The following SEMA5A variants were observed in gnomAD, a reference collection of about 807,000 sequenced individuals.
The protein encoded by SEMA5A is semaphorin-5A.
SEMA5A carries 55 observed loss-of-function variants against 135.5 expected under a neutral mutation model. The ratio of observed to expected loss-of-function variants is 0.41; its 90% CI spans 0.33 to 0.51. SEMA5A has a LOEUF of 0.51. Among genes scored for constraint, SEMA5A ranks in the 20% least tolerant of loss-of-function variants. The pLI is 0.37. For missense variants in SEMA5A, 1,290 were observed against 1,419.9 expected (o/e 0.91, Z 1.47); for synonymous variants, 580 against 546.5 (o/e 1.06, Z -0.85).
At chr5:9,395,485 G>A (rs1011106242) in intron 2 of SEMA5A, among the ~76,000 whole-genome samples, 2 of 152,112 alleles carry the variant, frequency 1.3e-5, no homozygotes, top group Non-Finnish European at 2.9e-5. Flanking sequence ...GCTAGACTCA[G>A]TTTACCTGGA....
In SEMA5A at chr5:9,128,829, C is replaced by T. The variant is rs187778619; in HGVS notation, c.1600-5992G>A. ...AGTTTCTCCACATCGGCACTATTGA[C>T]ATTTGGGCTGGATAATTTGCTGTAG... On this transcript the variant is annotated intron_variant, in intron 13 of 22. Transcript: ENST00000382496. Among the ~76,000 whole-genome samples, 267 of 152,270 alleles carry T rather than the reference C, an allele frequency of 1.8e-3. 3 individuals carry two copies. The East Asian group carries it at 0.024, about 14-fold the overall frequency.
intron 12 of SEMA5A, among the ~76,000 whole-genome samples, chr5:9,145,406 G>A (rs914296131): frequency 2.0e-5 from 3 of 152,240 alleles, no homozygotes; most frequent in Admixed American, 2.0e-4. Flanking sequence ...TCTTTCCATA[G>A]GCAAGCTGTT....
At chr5:9,491,802 G>A (rs1198823621) in intron 1 of SEMA5A, among the ~76,000 whole-genome samples, 3 of 152,166 alleles carry the variant, frequency 2.0e-5, no homozygotes, top group African/African-American at 7.2e-5. Flanking sequence ...CTAATGCCTT[G>A]AAGGTAAACC....
intron 1 of SEMA5A, among the ~76,000 whole-genome samples, chr5:9,447,048 C>T (rs1758459351): frequency 6.6e-6 from 1 of 152,144 alleles, no homozygotes; most frequent in South Asian, 2.1e-4. Context: ...GTGAAATTCA[C>T]AATGAATTAT....
At position 9,418,138 on chromosome 5, in the gene SEMA5A, G is replaced by A. The variant is rs565506475; in HGVS notation, c.-78+19618C>T. Reference sequence around the variant, plus strand: ...ACTACAGGTGCCCGCTACCATGCCCGGCTAATTTTTTGTATTTTTAGTAGA... The same window carrying A: ...ACTACAGGTGCCCGCTACCATGCCCAGCTAATTTTTTGTATTTTTAGTAGA... On this transcript the variant is annotated intron_variant, in intron 2 of 22. Coordinates refer to ENST00000382496, the MANE Select transcript of SEMA5A (RefSeq NM_003966.3). Among the ~76,000 whole-genome samples the A allele has an allele frequency of 7.2e-5, 11 of 152,064 alleles. No individual in the cohort carries two copies. In the South Asian group the frequency reaches 1.7e-3, roughly 23 times the overall value.
At chr5:9,377,361 A>G (rs1349677847) in intron 3 of SEMA5A, among the ~76,000 whole-genome samples, 1 of 152,198 alleles carries the variant, frequency 6.6e-6, no homozygotes, top group Non-Finnish European at 1.5e-5. Flanking sequence ...GGATCAAGAA[A>G]ACAGGAAGCA....
chr5:9,047,375 A>T (rs1010816086), intron 21 of SEMA5A, among the ~76,000 whole-genome samples: 5 of 152,236 alleles, frequency 3.3e-5, no homozygotes, highest in Non-Finnish European at 5.9e-5. Context: ...TTTGTGTCTC[A>T]TGCAACTAAA....
In SEMA5A at chr5:9,137,106, C is replaced by G. The variant is rs78514281; in HGVS notation, c.1482-485G>C. Among the ~76,000 whole-genome samples, 63 of 152,278 alleles carry G rather than the reference C, an allele frequency of 4.1e-4. No homozygotes were observed. The East Asian group carries it at 0.011, about 26-fold the overall frequency. On this transcript the variant is annotated intron_variant, in intron 12 of 22. Transcript: ENST00000382496. ...AGGTTTTATTTACTGTTACCATCAC[C>G]ATAATCATCATCGTTATTACCACCA... is the stretch of plus-strand genomic sequence containing the variant.
In SEMA5A at chr5:9,395,557, C is replaced by G. The variant is rs902163580; in HGVS notation, c.-77-15534G>C. On this transcript the variant is annotated intron_variant, in intron 2 of 22. Transcript: ENST00000382496. ...GGTTTTATCAGCTGCATCAGATAAA[C>G]TATGTTATCCAAAGCTTTCTGCTTA... is the stretch of plus-strand genomic sequence containing the variant. 5.3e-5 allele frequency among the ~76,000 whole-genome samples: 8 copies of G among 152,298 alleles called. No homozygotes were observed. In the South Asian group the frequency reaches 1.5e-3, roughly 28 times the overall value.
chr5:9,440,559 T>G (rs1047329872), intron 1 of SEMA5A, among the ~76,000 whole-genome samples: 1 of 152,228 alleles, frequency 6.6e-6, no homozygotes, highest in Non-Finnish European at 1.5e-5. Flanking sequence ...AACATATATG[T>G]GCAGAACTAT....
chr5:9,071,052 G>A (rs1737742100), intron 16 of SEMA5A, among the ~76,000 whole-genome samples: 1 of 152,176 alleles, frequency 6.6e-6, no homozygotes, highest in African/African-American at 2.4e-5. Flanking sequence ...ATTTCAGGAA[G>A]CTAACTATTA....
chr5:9,208,400 T>C (rs2150381983), intron 8 of SEMA5A, among the ~76,000 whole-genome samples: 1 of 152,286 alleles, frequency 6.6e-6, no homozygotes. Context: ...TCCTGGGCAC[T>C]GGGTGCTCCT....
intron 4 of SEMA5A, among the ~76,000 whole-genome samples, chr5:9,328,551 G>A (rs1024661501): frequency 5.3e-5 from 8 of 152,074 alleles, no homozygotes; most frequent in Admixed American, 6.6e-5. Flanking sequence ...GGCCAAGGTG[G>A]GTGGATCACT....
intron 4 of SEMA5A, among the ~76,000 whole-genome samples, chr5:9,320,723 C>A (rs563275267): frequency 2.0e-5 from 3 of 152,146 alleles, no homozygotes; most frequent in East Asian, 3.9e-4. Flanking sequence ...GTCTCAACAA[C>A]AACAAAAAGT....
chr5:9,200,694 G>C (rs1386399319), intron 9 of SEMA5A, among the ~76,000 whole-genome samples: 1 of 152,170 alleles, frequency 6.6e-6, no homozygotes, highest in East Asian at 1.9e-4. Context: ...CTCTTCATGG[G>C]GGGTAAAAGT....
chr5:9,352,407 C>T (rs142871708), intron 3 of SEMA5A, among the ~76,000 whole-genome samples: 304 of 152,032 alleles, frequency 2.0e-3, no homozygotes, highest in African/African-American at 6.9e-3. Context: ...CAGTTTATGG[C>T]GCTGGCTAAT....
chr5:9,378,326 T>C (rs1755453958), intron 3 of SEMA5A, among the ~76,000 whole-genome samples: 1 of 152,170 alleles, frequency 6.6e-6, no homozygotes, highest in African/African-American at 2.4e-5. Flanking sequence ...TATAGAAGTA[T>C]TCTAACCATT....
intron 4 of SEMA5A, among the ~76,000 whole-genome samples, chr5:9,325,199 A>C (rs891373485): frequency 6.6e-6 from 1 of 152,164 alleles, no homozygotes; most frequent in Non-Finnish European, 1.5e-5. Context: ...GCTATAGCAA[A>C]TAAAAACATG....
chr5:9,356,840 A>C (rs890616765), intron 3 of SEMA5A, among the ~76,000 whole-genome samples: 1 of 152,156 alleles, frequency 6.6e-6, no homozygotes, highest in Non-Finnish European at 1.5e-5. Flanking sequence ...TCTAAGTAAG[A>C]GCTCCTTTCT....
Sources: allele counts gnomAD v4.1 joint callset (sites outside exome capture counted in the v4.1 genomes callset), GRCh38; gene constraint gnomAD v4.1.1; transcripts MANE v1.5; gene names NCBI Gene and HGNC (gene_info 2026-07-23, HGNC 2026-07-21).